The following TSNARE1 variants were observed in gnomAD, a reference collection of about 807,000 sequenced individuals.
TSNARE1 encodes t-SNARE domain containing 1.
TSNARE1 carries 49 observed loss-of-function variants against 62.0 expected under a neutral mutation model. That is an observed-to-expected ratio of 0.79 (90% CI 0.63 to 1.00). TSNARE1 has a LOEUF of 1.00. Among genes scored for constraint, TSNARE1 ranks in the 50% least tolerant of loss-of-function variants. The pLI is 0.00. For synonymous variants in TSNARE1, 328 were observed against 294.4 expected, an observed-to-expected ratio of 1.11 and a Z score of -1.17; for missense variants, 755 against 700.1, an observed-to-expected ratio of 1.08 and a Z score of -0.88.
intron 12 of TSNARE1, among the ~76,000 whole-genome samples, chr8:142,252,082 C>T (rs936924484): frequency 6.6e-6 from 1 of 151,528 alleles, no homozygotes; most frequent in Non-Finnish European, 1.5e-5. Context: ...CATGTACCCA[C>T]CGCTCGCGTT....
At chr8:142,333,042 A>T (rs537793975) in intron 4 of TSNARE1, among the ~76,000 whole-genome samples, 1 of 152,362 alleles carries the variant, frequency 6.6e-6, no homozygotes. Context: ...GAACGGGGCG[A>T]AGGTCGAGAA....
At chr8:142,253,945 C>T (rs1366912134) in intron 12 of TSNARE1, among the ~76,000 whole-genome samples, 1 of 152,268 alleles carries the variant, frequency 6.6e-6, no homozygotes, top group Admixed American at 6.5e-5. Flanking sequence ...CAGACCCTGT[C>T]AGACCCAAGA....
intron 1 of TSNARE1, among the ~76,000 whole-genome samples, chr8:142,375,993 C>T (rs1296442642): frequency 6.6e-6 from 1 of 152,108 alleles, no homozygotes; most frequent in Admixed American, 6.5e-5. Flanking sequence ...CAACAGAGGC[C>T]CCTGTGCTGG....
chr8:142,313,461 G>C (rs1827971018), intron 9 of TSNARE1, among the ~76,000 whole-genome samples: 2 of 151,738 alleles, frequency 1.3e-5, no homozygotes, highest in African/African-American at 4.8e-5. Context: ...ATCTGCATGT[G>C]TCTGCATGTC....
intron 12 of TSNARE1, among the ~76,000 whole-genome samples, chr8:142,253,752 G>A (rs890240211): frequency 4.6e-5 from 7 of 152,344 alleles, no homozygotes; most frequent in Non-Finnish European, 8.8e-5. Flanking sequence ...GACCCCTCCC[G>A]CAGGACCCTG....
chr8:142,232,790 C>T lies in TSNARE1; in HGVS notation c.1447-3211G>A, dbSNP rs565616964. Among the ~76,000 whole-genome samples the T allele has an allele frequency of 1.2e-4, 19 of 152,350 alleles. No homozygotes were observed. The South Asian group carries it at 3.3e-3, about 27-fold the overall frequency. ...GGGATGCCAGATGCTGGGGCTGAGA[C>T]AGTTGGCAGAGGCAGAGGCAGAGGC... On this transcript the variant is annotated intron_variant, in intron 12 of 13. Transcript: ENST00000524325.
intron 12 of TSNARE1, among the ~76,000 whole-genome samples, chr8:142,254,411 C>T (rs1818324929): frequency 6.6e-6 from 1 of 152,220 alleles, no homozygotes; most frequent in African/African-American, 2.4e-5. Flanking sequence ...CTGGCCAACA[C>T]TCCAAACCAC....
At chr8:142,352,776 C>T (rs994653859) in intron 2 of TSNARE1, among the ~76,000 whole-genome samples, 8 of 152,202 alleles carry the variant, frequency 5.3e-5, no homozygotes, top group Admixed American at 2.6e-4. Context: ...CCGTGAAGAA[C>T]CAGCAAGATG....
intron 12 of TSNARE1, among the ~76,000 whole-genome samples, chr8:142,261,507 C>T (rs956075208): frequency 6.6e-6 from 1 of 151,810 alleles, no homozygotes; most frequent in African/African-American, 2.4e-5. Flanking sequence ...CTGGCACTCC[C>T]TGCTTTCTGT....
chr8:142,402,599 G>A (rs1265169035), intron 1 of TSNARE1, among the ~76,000 whole-genome samples: 1 of 152,250 alleles, frequency 6.6e-6, no homozygotes, highest in Non-Finnish European at 1.5e-5. Context: ...ACAACTTGGA[G>A]AAGGGACAGA....
chr8:142,344,901 C>A (rs1833151543), intron 3 of TSNARE1, among the ~76,000 whole-genome samples: 1 of 152,242 alleles, frequency 6.6e-6, no homozygotes, highest in Admixed American at 6.5e-5. Flanking sequence ...AAGGCTCCTG[C>A]CTACCTGCCC....
chr8:142,347,848 C>G (rs1168607232), intron 2 of TSNARE1, among the ~76,000 whole-genome samples: 3 of 151,572 alleles, frequency 2.0e-5, no homozygotes, highest in South Asian at 4.2e-4. Flanking sequence ...GCCATCACCT[C>G]GCCACACTGC....
intron 13 of TSNARE1, among the ~76,000 whole-genome samples, chr8:142,213,741 G>T (rs1449948703): frequency 4.6e-5 from 7 of 152,202 alleles, no homozygotes. Context: ...GGGAGGGTGA[G>T]GCTGTGGGCC....
chr8:142,332,356 T>C (rs1831178541), intron 4 of TSNARE1, among the ~76,000 whole-genome samples: 2 of 152,020 alleles, frequency 1.3e-5, no homozygotes, highest in Non-Finnish European at 2.9e-5. Flanking sequence ...ACATCTACCA[T>C]GTCAGAACAG....
At chr8:142,343,523 C>T (rs1196781535) in intron 4 of TSNARE1, among the ~76,000 whole-genome samples, 11 of 151,444 alleles carry the variant, frequency 7.3e-5, no homozygotes, top group Non-Finnish European at 1.0e-4. Context: ...GTGATGGTGA[C>T]GGGAGAACTC....
intron 11 of TSNARE1, among the ~76,000 whole-genome samples, chr8:142,281,552 C>T (rs757649868): frequency 1.3e-5 from 2 of 151,928 alleles, no homozygotes; most frequent in African/African-American, 2.4e-5. Context: ...GAGACTCTGG[C>T]TCTCCACAAG....
chr8:142,218,169 C>CTCA (rs1816023957), intron 13 of TSNARE1, among the ~76,000 whole-genome samples: 1 of 113,334 alleles, frequency 8.8e-6, no homozygotes, highest in Admixed American at 8.2e-5. Context: ...CAGGGTCAGG[C>CTCA]CTCAGTGTGA....
At position 142,344,091 on chromosome 8, in the gene TSNARE1, T is replaced by C. The variant is rs1468302302; in HGVS notation, c.620A>G (p.His207Arg). ...CTTGCCGGAACCAGGGCTGGGGCCATGGGCCGCCTTCCGGAGGTCGCCCAG... is the reference window on the plus strand; with the variant it reads ...CTTGCCGGAACCAGGGCTGGGGCCACGGGCCGCCTTCCGGAGGTCGCCCAG... The part of the protein sequence containing the change: ...RKLGDLRKAA[H>R]GPSPGSGKPQ... Residue 207 changes from histidine to arginine, a missense_variant, in exon 4 of 14, where the codon CAT becomes CGT. By Grantham distance (29) the His-to-Arg change is conservative. Transcript: ENST00000524325. 13 of 1,609,318 alleles carry C rather than the reference T, an allele frequency of 8.1e-6. No individual in the cohort carries two copies. The Admixed American group carries it at 1.2e-4, about 14-fold the overall frequency.
At chr8:142,223,264 TCACTCATTCAG>T in intron 13 of TSNARE1, among the ~76,000 whole-genome samples, 1 of 50,584 alleles carries the variant, frequency 2.0e-5, no homozygotes, top group Non-Finnish European at 7.1e-5. Flanking sequence ...ATTCACTCAC[TCACTCATTCAG>T]TCACTCACTC....
Sources: allele counts gnomAD v4.1 joint callset (sites outside exome capture counted in the v4.1 genomes callset), GRCh38; gene constraint gnomAD v4.1.1; transcripts MANE v1.5; gene names NCBI Gene and HGNC (gene_info 2026-07-23, HGNC 2026-07-21).